CUEDC1: variants seen among roughly 807,000 people sequenced by gnomAD.
CUEDC1 encodes the protein CUE domain containing 1, also known as CUE domain-containing protein 1.
CUEDC1 carries 30 observed loss-of-function variants against 43.7 expected under a neutral mutation model. That is an observed-to-expected ratio of 0.69 (90% CI 0.51 to 0.93). The LOEUF is 0.93. Ranked by LOEUF, CUEDC1 falls within the 40% of genes least tolerant of loss-of-function variation. CUEDC1 has a pLI of 0.00. For synonymous variants in CUEDC1, 223 were observed against 223.6 expected (o/e 1.00, Z 0.02); for missense variants, 486 against 549.0 (o/e 0.89, Z 1.15).
At chr17:57,916,263 A>C (rs2074639252) in intron 1 of CUEDC1, among the ~76,000 whole-genome samples, 1 of 152,240 alleles carries the variant, frequency 6.6e-6, no homozygotes, top group Non-Finnish European at 1.5e-5. Flanking sequence ...CACTTGCTCC[A>C]TCCCGATGGC....
At chr17:57,872,531 G>C in intron 5 of CUEDC1, 132 bp downstream of exon 5, 1 of 993,042 alleles carries the variant, frequency 1.0e-6, no homozygotes, top group Non-Finnish European at 1.5e-6. Context: ...CTTGGTGGGA[G>C]TCATGCCTCA....
intron 8 of CUEDC1, 126 bp from the exon 9 acceptor site, chr17:57,867,541 C>T: frequency 1.2e-6 from 1 of 823,372 alleles, no homozygotes; most frequent in South Asian, 1.5e-5. Context: ...ACCTGACCCC[C>T]CACACCCTTA....
At chr17:57,932,281 C>CAAAAA (rs56137797) in intron 1 of CUEDC1, among the ~76,000 whole-genome samples, 48 of 121,948 alleles carry the variant, frequency 3.9e-4, no homozygotes, top group African/African-American at 1.5e-3. Context: ...CACTGTGTCT[C>CAAAAA]AAAAAAAAAA....
chr17:57,899,584 C>G (rs901889113), intron 1 of CUEDC1, among the ~76,000 whole-genome samples: 9 of 152,152 alleles, frequency 5.9e-5, no homozygotes, highest in African/African-American at 1.9e-4. Context: ...GCAGCACATG[C>G]CAGCACACAG....
chr17:57,939,334 G>A (rs886906268), intron 1 of CUEDC1, among the ~76,000 whole-genome samples: 11 of 151,594 alleles, frequency 7.3e-5, no homozygotes, highest in Non-Finnish European at 1.2e-4. Flanking sequence ...GAACAATCCC[G>A]GCTCACCGCA....
chr17:57,939,596 G>A (rs2585843), intron 1 of CUEDC1, among the ~76,000 whole-genome samples: 121,252 of 152,012 alleles, frequency 0.8, 49,654 homozygotes, highest in East Asian at 0.98. Flanking sequence ...GCTTCTGGAC[G>A]TGTCTGGCCA....
chr17:57,912,983 T>C (rs1411206090), intron 1 of CUEDC1, among the ~76,000 whole-genome samples: 2 of 152,142 alleles, frequency 1.3e-5, no homozygotes, highest in African/African-American at 4.8e-5. Context: ...TAGCTAGGCC[T>C]ACAGGCTCAT....
chr17:57,919,390 A>G (rs2074677770), intron 1 of CUEDC1, among the ~76,000 whole-genome samples: 1 of 150,810 alleles, frequency 6.6e-6, no homozygotes, highest in South Asian at 2.1e-4. Flanking sequence ...AAGTTGGCCA[A>G]GCTGGTCTTG....
chr17:57,868,712 G>T (rs893822173), intron 7 of CUEDC1, among the ~76,000 whole-genome samples: 1 of 152,194 alleles, frequency 6.6e-6, no homozygotes, highest in African/African-American at 2.4e-5. Flanking sequence ...CTGTGTGGCG[G>T]GGAGGTGAGG....
intron 6 of CUEDC1, among the ~76,000 whole-genome samples, chr17:57,869,622 G>A (rs935473982): frequency 5.3e-5 from 8 of 152,172 alleles, no homozygotes; most frequent in African/African-American, 1.7e-4. Flanking sequence ...ACATTCATGT[G>A]ACAGTCAAAT....
intron 1 of CUEDC1, among the ~76,000 whole-genome samples, chr17:57,906,651 C>T (rs960903039): frequency 5.9e-5 from 9 of 152,084 alleles, no homozygotes; most frequent in Admixed American, 1.3e-4. Context: ...AAGAGAGAGA[C>T]AAATAAGGCA....
chr17:57,895,641 C>G (rs1414638378), intron 1 of CUEDC1, among the ~76,000 whole-genome samples: 1 of 152,200 alleles, frequency 6.6e-6, no homozygotes, highest in East Asian at 1.9e-4. Flanking sequence ...CCAAGATATT[C>G]GACTCAGGTG....
intron 1 of CUEDC1, among the ~76,000 whole-genome samples, chr17:57,937,057 G>C (rs1279862689): frequency 6.6e-6 from 1 of 151,880 alleles, no homozygotes; most frequent in Non-Finnish European, 1.5e-5. Context: ...TTGACCTCGT[G>C]ATCTGCCCAC....
intron 7 of CUEDC1, 103 bp downstream of exon 7, chr17:57,869,019 G>T: frequency 1.7e-6 from 2 of 1,154,632 alleles, no homozygotes; most frequent in South Asian, 1.3e-5. Context: ...TTCACCAAGA[G>T]TCAGCTGCAT....
intron 1 of CUEDC1, among the ~76,000 whole-genome samples, chr17:57,921,368 A>G (rs2074696825): frequency 6.7e-6 from 1 of 150,034 alleles, no homozygotes. Context: ...AAAAGAGATG[A>G]AAAAAAAAAG....
rs1018392580 is a variant in CUEDC1 at position 57,954,580 on chromosome 17, C to CGGGCGAGCAGGG, written c.-316+633_-316+644dup. ...GCCTGGGGCACAGGAGCCGGCGGGG[C>CGGGCGAGCAGGG]GGGCGAGCAGGGGCGGGGACAGCGC... On this transcript the variant is annotated intron_variant, in intron 1 of 10. Coordinates refer to ENST00000577830, the MANE Select transcript of CUEDC1 (RefSeq NM_001271875.2). This position sits in a 1 kb window ranked among gnomAD's most constrained non-coding sequence, Gnocchi z 4.3. 6.6e-6 allele frequency among the ~76,000 whole-genome samples: 1 copy of CGGGCGAGCAGGG among 152,094 alleles called. No homozygotes were observed. The highest frequency in any genetic ancestry group is 2.4e-5 in the African/African-American group (1 of 41,440).
rs1292947413 is a variant in CUEDC1, at chr17:57,861,351, C to G, written c.*1938G>C. On this transcript the variant is annotated 3_prime_UTR_variant, in exon 11 of 11. Transcript: ENST00000577830. Reference sequence around the variant, plus strand: ...CTTGCCTGATACAGCAAGCGGTTTACAGTCCTGGGCCAAACAGGAAGGCGA... The same window carrying G: ...CTTGCCTGATACAGCAAGCGGTTTAGAGTCCTGGGCCAAACAGGAAGGCGA... 6.6e-6 allele frequency: 1 copy of G among 152,248 alleles called. No individual in the cohort carries two copies. The highest frequency in any genetic ancestry group is 6.5e-5 in the Admixed American group (1 of 15,288). The allele number at this position is 152,248 out of a possible 1,614,324, so 9.4% of individuals were successfully genotyped here.
In CUEDC1 at chr17:57,868,277, A is replaced by G. The variant is rs200410978; in HGVS notation, c.941-34T>C. 1.9e-6 allele frequency: 3 copies of G among 1,586,780 alleles called. No homozygotes were observed. The East Asian group carries it at 6.7e-5, about 35-fold the overall frequency. ...AGAGAGACCTGTGAGTCATTCTCTC[A>G]GCAGCCAGCACACCAGATGGCCTCC... is the stretch of plus-strand genomic sequence containing the variant. On this transcript the variant is annotated intron_variant, in intron 7 of 10. Coordinates refer to ENST00000577830, the MANE Select transcript of CUEDC1 (RefSeq NM_001271875.2).
chr17:57,883,782 A>G (rs185678620), intron 2 of CUEDC1, among the ~76,000 whole-genome samples: 165 of 152,288 alleles, frequency 1.1e-3, no homozygotes, highest in Admixed American at 1.8e-3. Context: ...ACTTAGGATG[A>G]TGCCTGGCAC....
Sources: allele counts gnomAD v4.1 joint callset (sites outside exome capture counted in the v4.1 genomes callset), GRCh38; gene constraint gnomAD v4.1.1; non-coding constraint Gnocchi (gnomAD v3.1); transcripts MANE v1.5; gene names NCBI Gene and HGNC (gene_info 2026-07-23, HGNC 2026-07-21).